JPH2: variants seen among roughly 807,000 people sequenced by gnomAD.
JPH2 encodes the protein junctophilin-2.
JPH2 carries 38 observed loss-of-function variants against 55.9 expected under a neutral mutation model. The ratio of observed to expected loss-of-function variants is 0.68; its 90% CI spans 0.52 to 0.89. JPH2 has a LOEUF of 0.89. Among genes scored for constraint, JPH2 ranks in the 40% least tolerant of loss-of-function variants. The probability of loss-of-function intolerance (pLI) is 0.00; values close to 1 mark genes in which losing one functional copy is unlikely to be tolerated. For synonymous variants in JPH2, 480 were observed against 472.4 expected (o/e 1.02, Z -0.21); for missense variants, 964 against 1,037.6 (o/e 0.93, Z 0.97).
At chr20:44,129,701 T>C (rs1226987025) in intron 2 of JPH2, among the ~76,000 whole-genome samples, 2 of 152,162 alleles carry the variant, frequency 1.3e-5, no homozygotes, top group Admixed American at 6.5e-5. Flanking sequence ...TTACCTTCTA[T>C]GGCAAAGAGG....
intron 2 of JPH2, among the ~76,000 whole-genome samples, chr20:44,145,368 G>A (rs1037927738): frequency 1.3e-5 from 2 of 152,138 alleles, no homozygotes; most frequent in African/African-American, 2.4e-5. Flanking sequence ...ACTTTGGGAG[G>A]CCGAGGTGGG....
intron 2 of JPH2, among the ~76,000 whole-genome samples, chr20:44,151,901 T>C (rs1473903090): frequency 6.6e-6 from 1 of 152,212 alleles, no homozygotes; most frequent in African/African-American, 2.4e-5. Flanking sequence ...TTCCTCTACC[T>C]GGAACGACCT....
At chr20:44,177,132 G>T in intron 1 of JPH2, 1 of 985,576 alleles carries the variant, frequency 1.0e-6, no homozygotes, top group Non-Finnish European at 1.2e-6. Flanking sequence ...AGTTACACGG[G>T]AGGGAGGTGT....
At chr20:44,177,203 A>G (rs2072741452) in intron 1 of JPH2, 38 of 985,500 alleles carry the variant, frequency 3.9e-5, no homozygotes, top group Non-Finnish European at 4.5e-5. Flanking sequence ...GGTGAGAACA[A>G]GGATAACCCT....
At chr20:44,124,650 T>C (rs2072263069) in intron 2 of JPH2, among the ~76,000 whole-genome samples, 1 of 147,058 alleles carries the variant, frequency 6.8e-6, no homozygotes, top group Non-Finnish European at 1.5e-5. Context: ...CCCAACTCTA[T>C]CTTAAAAAAA....
At chr20:44,133,740 C>A (rs997546105) in intron 2 of JPH2, among the ~76,000 whole-genome samples, 7 of 150,016 alleles carry the variant, frequency 4.7e-5, no homozygotes, top group Non-Finnish European at 5.9e-5. Flanking sequence ...GTTTCCCAGG[C>A]TGGTCCTGTT....
chr20:44,124,898 A>T (rs1208650599), intron 2 of JPH2, among the ~76,000 whole-genome samples: 2 of 152,096 alleles, frequency 1.3e-5, no homozygotes. Flanking sequence ...ACTTGAGACT[A>T]GGAGATCAAG....
chr20:44,158,418 A>G (rs976658935), intron 2 of JPH2, among the ~76,000 whole-genome samples: 6 of 152,178 alleles, frequency 3.9e-5, no homozygotes, highest in African/African-American at 1.4e-4. Context: ...GCCACTCACT[A>G]ACTGAGTGAT....
intron 2 of JPH2, among the ~76,000 whole-genome samples, chr20:44,144,260 A>G (rs1600848859): frequency 6.6e-6 from 1 of 152,156 alleles, no homozygotes; most frequent in East Asian, 1.9e-4. Context: ...TTGGGGAAGG[A>G]TGAAGCTTAA....
At chr20:44,147,065 C>T (rs1341573849) in intron 2 of JPH2, among the ~76,000 whole-genome samples, 2 of 152,120 alleles carry the variant, frequency 1.3e-5, no homozygotes, top group Non-Finnish European at 2.9e-5. Context: ...ATGGGGTTGG[C>T]TGGATTTCTG....
intron 2 of JPH2, among the ~76,000 whole-genome samples, chr20:44,128,204 T>G (rs1432210411): frequency 6.6e-6 from 1 of 152,234 alleles, no homozygotes; most frequent in Non-Finnish European, 1.5e-5. Context: ...AATTTACTCA[T>G]ATTTTCATCT....
In JPH2 at chr20:44,160,112, C is replaced by T. The variant is rs764629322; in HGVS notation, c.675G>A (p.Ala225=). The T allele has an allele frequency of 1.3e-6, 2 of 1,519,368 alleles. No individual in the cohort carries two copies. Among genetic ancestry groups the T allele is most frequent in the South Asian group, 1.2e-5 (1 of 82,700 alleles). 94.1% of individuals were successfully genotyped at this position (1,519,368 alleles called of 1,614,324 possible). Residue 225 remains alanine (A), a synonymous_variant, in exon 2 of 6, where the codon GCG becomes GCA. Transcript: ENST00000372980. This position sits in a 1 kb window ranked among gnomAD's most constrained non-coding sequence, Gnocchi z 4.9. ...CTGCGCGCCGCAGCTTGCCCAGCAGCGCGCCCCGCTGGAAGAGGCCGCCGC... is the reference window on the plus strand; with the variant it reads ...CTGCGCGCCGCAGCTTGCCCAGCAGTGCGCCCCGCTGGAAGAGGCCGCCGC... The part of the protein sequence containing the change: ...PKGGGLFQRG[A]LLGKLRRAES...
In JPH2 at chr20:44,160,025, G is replaced by A; in HGVS notation, c.762C>T (p.Ser254=). Residue 254 remains serine (S), a synonymous_variant, in exon 2 of 6, where the codon AGC becomes AGT. Coordinates refer to ENST00000372980, the MANE Select transcript of JPH2 (RefSeq NM_020433.5). This position sits in a 1 kb window ranked among gnomAD's most constrained non-coding sequence, Gnocchi z 4.9. ...TGGACGCGGCGTCGCTGGCGCCCGA[G>A]CTGAGGTCGCTCTTAAGGAAGCTGA... is the stretch of plus-strand genomic sequence containing the variant. The part of the protein sequence containing the change: ...SRVSFLKSDL[S]SGASDAASTA... 1.3e-6 allele frequency: 2 copies of A among 1,564,060 alleles called. No individual in the cohort carries two copies. The highest frequency in any genetic ancestry group is 1.7e-6 in the Non-Finnish European group (2 of 1,162,078).
intron 2 of JPH2, among the ~76,000 whole-genome samples, chr20:44,146,695 T>C (rs1359947641): frequency 6.6e-6 from 1 of 152,162 alleles, no homozygotes; most frequent in Non-Finnish European, 1.5e-5. Flanking sequence ...AGACATAGCC[T>C]CTGTGGATAT....
chr20:44,120,602 G>C (rs1192111220), intron 2 of JPH2, among the ~76,000 whole-genome samples: 1 of 152,128 alleles, frequency 6.6e-6, no homozygotes, highest in African/African-American at 2.4e-5. Context: ...TGAAGTGCAG[G>C]AACTGGGATT....
rs929416775 is a variant in JPH2 at position 44,180,730 on chromosome 20, TC to T, written c.379+5596del. 9.9e-5 allele frequency among the ~76,000 whole-genome samples: 15 copies of T among 152,200 alleles called. 1 individual carries two copies. On this transcript the variant is annotated intron_variant, in intron 1 of 5. Transcript: ENST00000372980. ...TTTGAGCCAGAGATGACTTGGAGAA[TC>T]TGAGACTATGTGAGAAAATGCCTCC... is the stretch of plus-strand genomic sequence containing the variant.
chr20:44,131,485 G>A (rs2072318347), intron 2 of JPH2, among the ~76,000 whole-genome samples: 1 of 152,136 alleles, frequency 6.6e-6, no homozygotes, highest in Non-Finnish European at 1.5e-5. Context: ...GCTCTATGTG[G>A]GGACAATTTG....
intron 2 of JPH2, among the ~76,000 whole-genome samples, chr20:44,152,123 C>G (rs2072535521): frequency 1.3e-5 from 2 of 152,358 alleles, no homozygotes; most frequent in African/African-American, 4.8e-5. Flanking sequence ...ACTGATTCAC[C>G]ACTGGGTGTC....
chr20:44,169,312 G>T (rs1404147907), intron 1 of JPH2, among the ~76,000 whole-genome samples: 1 of 151,970 alleles, frequency 6.6e-6, no homozygotes, highest in Non-Finnish European at 1.5e-5. Context: ...AAGTAGCTGG[G>T]ACTACAGGTT....
Sources: allele counts gnomAD v4.1 joint callset (sites outside exome capture counted in the v4.1 genomes callset), GRCh38; gene constraint gnomAD v4.1.1; non-coding constraint Gnocchi (gnomAD v3.1); transcripts MANE v1.5; gene names NCBI Gene and HGNC (gene_info 2026-07-23, HGNC 2026-07-21).